The following SPHKAP variants were observed in gnomAD, a reference collection of about 807,000 sequenced individuals.
The protein encoded by SPHKAP is SPHK1 interactor, AKAP domain containing.
SPHKAP carries 67 observed loss-of-function variants against 137.5 expected under a neutral mutation model. That is an observed-to-expected ratio of 0.49 (90% CI 0.40 to 0.60). The LOEUF (loss-of-function observed/expected upper bound fraction) is 0.60. Among genes scored for constraint, SPHKAP ranks in the 20% least tolerant of loss-of-function variants. SPHKAP has a pLI of 0.00. For missense variants in SPHKAP, 2,097 were observed against 2,069.3 expected (o/e 1.01, Z -0.26); for synonymous variants, 813 against 785.3 (o/e 1.04, Z -0.59).
In SPHKAP at chr2:228,043,692, C is replaced by A. The variant is rs527389857; in HGVS notation, c.247-16149G>T. 4.1e-4 allele frequency among the ~76,000 whole-genome samples: 62 copies of A among 152,256 alleles called. 1 individual carries two copies. Among genetic ancestry groups the A allele is most frequent in the African/African-American group, 1.4e-3 (60 of 41,544 alleles). ...AATTGACAAAAATCTTCCTCAGGTA[C>A]AATGAGACAACCTAACTTTGACTAT... is the stretch of plus-strand genomic sequence containing the variant. On this transcript the variant is annotated intron_variant, in intron 3 of 11. Transcript: ENST00000392056.
At chr2:228,175,119 A>C (rs889617380) in intron 1 of SPHKAP, among the ~76,000 whole-genome samples, 7 of 152,092 alleles carry the variant, frequency 4.6e-5, no homozygotes, top group African/African-American at 1.7e-4. Context: ...GAAGGAAAAG[A>C]GAAAAGCAGA....
At chr2:228,084,405 T>C (rs191006857) in intron 3 of SPHKAP, among the ~76,000 whole-genome samples, 1 of 152,212 alleles carries the variant, frequency 6.6e-6, no homozygotes, top group African/African-American at 2.4e-5. Context: ...TGCATAAATT[T>C]TTCCTATAAT....
chr2:228,147,794 C>T (rs1396499279), intron 1 of SPHKAP, among the ~76,000 whole-genome samples: 2 of 152,118 alleles, frequency 1.3e-5, no homozygotes, highest in Non-Finnish European at 2.9e-5. Context: ...TTACATTTGC[C>T]ACTTTAAATC....
At chr2:228,022,198 A>G (rs1694866336) in intron 5 of SPHKAP, 4 of 985,308 alleles carry the variant, frequency 4.1e-6, no homozygotes, top group African/African-American at 1.7e-5. Context: ...GATCGGCTGT[A>G]TCACATATTT....
intron 1 of SPHKAP, among the ~76,000 whole-genome samples, chr2:228,159,738 T>C (rs1480646508): frequency 6.6e-6 from 1 of 152,224 alleles, no homozygotes; most frequent in African/African-American, 2.4e-5. Context: ...AAGGTCATCT[T>C]CTATAGACTA....
chr2:228,089,923 G>T (rs955020489), intron 3 of SPHKAP, among the ~76,000 whole-genome samples: 9 of 152,168 alleles, frequency 5.9e-5, no homozygotes, highest in East Asian at 5.8e-4. Context: ...GAGGCAGAAG[G>T]CCTTACCAGA....
chr2:228,012,300 A>C (rs1209139852), intron 7 of SPHKAP, among the ~76,000 whole-genome samples: 2 of 152,088 alleles, frequency 1.3e-5, no homozygotes, highest in African/African-American at 4.8e-5. Flanking sequence ...CCTTTAAAAA[A>C]AAAGATCAGC....
intron 7 of SPHKAP, chr2:227,995,951 T>C: frequency 1.0e-6 from 1 of 985,096 alleles, no homozygotes; most frequent in East Asian, 1.1e-4. Context: ...ACAGGTTGAA[T>C]GTATGTAGCC....
At chr2:228,060,084 G>A (rs1440999735) in intron 3 of SPHKAP, among the ~76,000 whole-genome samples, 1 of 152,144 alleles carries the variant, frequency 6.6e-6, no homozygotes, top group Non-Finnish European at 1.5e-5. Context: ...GCTATAGTCT[G>A]TTCTTTTAAC....
intron 3 of SPHKAP, among the ~76,000 whole-genome samples, chr2:228,068,303 C>T (rs1438962410): frequency 6.6e-6 from 1 of 151,922 alleles, no homozygotes; most frequent in Admixed American, 6.6e-5. Context: ...CCATACTATC[C>T]AAGGCCATCT....
rs369767535 is a variant in SPHKAP, at chr2:228,017,208, T to C, written c.3646A>G (p.Ser1216Gly). 101 of 1,613,918 alleles carry C rather than the reference T, an allele frequency of 6.3e-5. No homozygotes were observed. Among genetic ancestry groups the C allele is most frequent in the Non-Finnish European group, 7.8e-5 (92 of 1,180,036 alleles). The change falls in exon 7 of 12, where the codon AGC becomes GGC. Residue 1216 changes from serine (S) to glycine (G), a missense_variant. Transcript: ENST00000392056. ...SRESASSRRS[S>G]QDWTAGLLSP... ...AGCAGGCCGGCTGTCCAATCCTGGC[T>C]GCTCCGTCTGGAGGAGGCACTTTCT...
intron 1 of SPHKAP, among the ~76,000 whole-genome samples, chr2:228,170,266 C>G (rs984246801): frequency 7.2e-5 from 11 of 152,052 alleles, no homozygotes; most frequent in African/African-American, 2.2e-4. Flanking sequence ...ATGCTGTGAA[C>G]ATTGTTGAAA....
chr2:227,997,081 CCTT>C (rs1693664871), intron 7 of SPHKAP, among the ~76,000 whole-genome samples: 1 of 152,140 alleles, frequency 6.6e-6, no homozygotes. Context: ...ACTTTCAAAA[CCTT>C]CTTAACCCTG....
chr2:228,168,770 G>A lies in SPHKAP; in HGVS notation c.32+12797C>T, dbSNP rs371835253. ...TCACCTTACATCTAAAACTGGGTAT[G>A]ATGAAGTGAGGAAGGGATATTGAAA... On this transcript the variant is annotated intron_variant, in intron 1 of 11. Transcript: ENST00000392056. Among the ~76,000 whole-genome samples, 17 of 152,258 alleles carry A rather than the reference G, an allele frequency of 1.1e-4. No homozygotes were observed. In the South Asian group the frequency reaches 3.5e-3, roughly 32 times the overall value.
chr2:228,112,021 T>C (rs1698533711), intron 2 of SPHKAP, among the ~76,000 whole-genome samples: 1 of 152,318 alleles, frequency 6.6e-6, no homozygotes. Flanking sequence ...AATTATATAA[T>C]GTAATTAATC....
chr2:228,154,512 C>CTCTCTATA lies in SPHKAP; in HGVS notation c.33-22428_33-22427insTATAGAGA, dbSNP rs1393941364. Among the ~76,000 whole-genome samples, 109 of 22,054 alleles carry CTCTCTATA rather than the reference C, an allele frequency of 4.9e-3. 2 individuals are homozygous for CTCTCTATA. The highest frequency in any genetic ancestry group is 0.014 in the East Asian group (5 of 362). The allele number at this position is 22,054 out of a possible 152,430, so 14.5% of individuals were successfully genotyped here. ...TCTCTCTCTCTCTCTCTCTCTCTCT[C>CTCTCTATA]TATATATATATATATATATATTTTT... On this transcript the variant is annotated intron_variant, in intron 1 of 11. Coordinates refer to ENST00000392056, the MANE Select transcript of SPHKAP (RefSeq NM_001142644.2).
chr2:228,109,956 CAAA>C (rs11440513), intron 2 of SPHKAP, among the ~76,000 whole-genome samples: 1 of 56,280 alleles, frequency 1.8e-5, no homozygotes, highest in African/African-American at 7.3e-5. Context: ...GAAAATGTCT[CAAA>C]AAAAAAAAAA....
At chr2:228,128,458 C>T (rs913186467) in intron 2 of SPHKAP, among the ~76,000 whole-genome samples, 5 of 152,040 alleles carry the variant, frequency 3.3e-5, no homozygotes, top group Non-Finnish European at 5.9e-5. Context: ...TGCATTGAAC[C>T]CTTCAGTCAT....
intron 7 of SPHKAP, among the ~76,000 whole-genome samples, chr2:228,003,981 T>A (rs1166970524): frequency 6.6e-6 from 1 of 152,222 alleles, no homozygotes; most frequent in Non-Finnish European, 1.5e-5. Flanking sequence ...TAGTGAGGAC[T>A]TTTGCATCGA....
Sources: allele counts gnomAD v4.1 joint callset (sites outside exome capture counted in the v4.1 genomes callset), GRCh38; gene constraint gnomAD v4.1.1; transcripts MANE v1.5; gene names NCBI Gene and HGNC (gene_info 2026-07-23, HGNC 2026-07-21).